CAMTA1: variants seen among roughly 807,000 people sequenced by gnomAD.
The protein encoded by CAMTA1 is calmodulin-binding transcription activator 1.
Under a neutral mutation model 170.9 loss-of-function variants are expected in CAMTA1, and 27 were observed. The observed-to-expected ratio is 0.16, with a 90% CI of 0.12 to 0.22. The LOEUF (loss-of-function observed/expected upper bound fraction) is 0.22, where lower values mean the gene tolerates loss of function less well. Among genes scored for constraint, CAMTA1 ranks in the 10% least tolerant of loss-of-function variants. CAMTA1 has a pLI of 1.00. For synonymous variants in CAMTA1, 833 were observed against 891.5 expected, an observed-to-expected ratio of 0.93 and a Z score of 1.17; for missense variants, 1,619 against 2,217.2, an observed-to-expected ratio of 0.73 and a Z score of 5.42.
intron 11 of CAMTA1, among the ~76,000 whole-genome samples, chr1:7,695,870 G>A (rs1163567271): frequency 6.6e-6 from 1 of 152,226 alleles, no homozygotes; most frequent in Non-Finnish European, 1.5e-5. Context: ...CTCCCCTGGT[G>A]CAGGAGACGG....
At chr1:7,540,249 A>G (rs1305971317) in intron 6 of CAMTA1, among the ~76,000 whole-genome samples, 1 of 152,142 alleles carries the variant, frequency 6.6e-6, no homozygotes, top group Non-Finnish European at 1.5e-5. Context: ...GGATGGATGG[A>G]TGGGTGGATG....
intron 3 of CAMTA1, among the ~76,000 whole-genome samples, chr1:6,838,598 T>C (rs968985396): frequency 3.9e-5 from 6 of 152,252 alleles, no homozygotes; most frequent in African/African-American, 9.6e-5. Context: ...CTTTCTGATA[T>C]ATGTATCTAC....
intron 6 of CAMTA1, among the ~76,000 whole-genome samples, chr1:7,573,621 T>C (rs1354424043): frequency 1.3e-5 from 2 of 152,212 alleles, no homozygotes; most frequent in Admixed American, 1.3e-4. Context: ...CTGGCAAGCA[T>C]TGGTACCCCT....
chr1:7,555,186 G>A (rs1390501528), intron 6 of CAMTA1, among the ~76,000 whole-genome samples: 1 of 152,116 alleles, frequency 6.6e-6, no homozygotes, highest in Non-Finnish European at 1.5e-5. Context: ...ATCTATTTAT[G>A]GGACACACAG....
intron 6 of CAMTA1, among the ~76,000 whole-genome samples, chr1:7,567,545 G>A (rs2095058139): frequency 6.6e-6 from 1 of 152,234 alleles, no homozygotes; most frequent in Admixed American, 6.5e-5. Flanking sequence ...GTGCTTTGGA[G>A]ACAGGCCAAT....
At chr1:7,004,877 C>T (rs1450023403) in intron 3 of CAMTA1, among the ~76,000 whole-genome samples, 1 of 152,238 alleles carries the variant, frequency 6.6e-6, no homozygotes, top group Non-Finnish European at 1.5e-5. Context: ...AAACAATTCT[C>T]ATGCCTCAGC....
chr1:7,637,534 AC>A (rs2095722814), intron 6 of CAMTA1, among the ~76,000 whole-genome samples: 1 of 151,792 alleles, frequency 6.6e-6, no homozygotes, highest in African/African-American at 2.4e-5. Context: ...CTCCGCCGTT[AC>A]CCCCTCCATG....
chr1:7,070,263 G>T (rs953388919), intron 3 of CAMTA1, among the ~76,000 whole-genome samples: 1 of 152,250 alleles, frequency 6.6e-6, no homozygotes, highest in African/African-American at 2.4e-5. Flanking sequence ...GGCCAGAAAG[G>T]AGGCGTGGAT....
intron 5 of CAMTA1, among the ~76,000 whole-genome samples, chr1:7,306,182 GC>G (rs1389513794): frequency 6.6e-6 from 1 of 151,882 alleles, no homozygotes; most frequent in Admixed American, 6.6e-5. Flanking sequence ...TTTATGTCTA[GC>G]AAATATTTGC....
chr1:6,804,176 C>A (rs1313835696), intron 1 of CAMTA1, among the ~76,000 whole-genome samples: 6 of 116,466 alleles, frequency 5.2e-5, no homozygotes, highest in Non-Finnish European at 9.0e-5. Flanking sequence ...GAGCGAAACT[C>A]TTTTTTTTTT....
chr1:7,654,992 A>T (rs1467874709), intron 7 of CAMTA1, among the ~76,000 whole-genome samples: 1 of 146,236 alleles, frequency 6.8e-6, no homozygotes, highest in East Asian at 2.2e-4. Flanking sequence ...CTATACACAC[A>T]CCCACACACA....
intron 3 of CAMTA1, among the ~76,000 whole-genome samples, chr1:6,856,881 G>A (rs1662614832): frequency 1.3e-5 from 2 of 152,224 alleles, no homozygotes; most frequent in Middle Eastern, 3.4e-3. Context: ...CTTCATGATG[G>A]GAAGAGCTCG....
intron 3 of CAMTA1, among the ~76,000 whole-genome samples, chr1:6,964,951 C>T (rs12727054): frequency 0.035 from 5,390 of 152,176 alleles, 106 homozygotes; most frequent in Middle Eastern, 0.044. Context: ...TGGGAAAGAG[C>T]TGTCTTGTGT....
chr1:7,744,751 C>G (rs988407903), intron 16 of CAMTA1, 84 bp from the exon 17 acceptor site: 1 of 1,206,362 alleles, frequency 8.3e-7, no homozygotes, highest in Admixed American at 2.3e-5. Context: ...ATTTTTTTCT[C>G]TCCAAGGCGA....
chr1:7,194,324 T>A (rs1655112772), intron 4 of CAMTA1, among the ~76,000 whole-genome samples: 1 of 152,238 alleles, frequency 6.6e-6, no homozygotes, highest in South Asian at 2.1e-4. Context: ...TTCCTGGTAT[T>A]CTTAGAGTCC....
intron 4 of CAMTA1, among the ~76,000 whole-genome samples, chr1:7,155,392 G>GT (rs913124763): frequency 1.1e-4 from 16 of 151,902 alleles, no homozygotes; most frequent in African/African-American, 3.6e-4. Context: ...ACCGTTGGGG[G>GT]GGGGATTGGG....
intron 5 of CAMTA1, among the ~76,000 whole-genome samples, chr1:7,314,135 G>A (rs1250725619): frequency 6.6e-6 from 1 of 152,194 alleles, no homozygotes; most frequent in East Asian, 1.9e-4. Context: ...ACACAAATGT[G>A]AAGTCTATAT....
At chr1:6,940,963 A>ATG (rs1686482654) in intron 3 of CAMTA1, among the ~76,000 whole-genome samples, 1 of 392 alleles carries the variant, frequency 2.6e-3, no homozygotes, top group Non-Finnish European at 3.9e-3. Flanking sequence ...GGATCCTTGC[A>ATG]AGGTGGGGGG....
chr1:6,948,124 A>G (rs1016987752), intron 3 of CAMTA1, among the ~76,000 whole-genome samples: 92 of 152,196 alleles, frequency 6.0e-4, no homozygotes, highest in African/African-American at 2.2e-3. Flanking sequence ...GTTTATTCCC[A>G]TTTTACAGAT....
Sources: allele counts gnomAD v4.1 joint callset (sites outside exome capture counted in the v4.1 genomes callset), GRCh38; gene constraint gnomAD v4.1.1; transcripts MANE v1.5; gene names NCBI Gene and HGNC (gene_info 2026-07-23, HGNC 2026-07-21).